Variants in EDIL3 observed in about 807,000 individuals in gnomAD.
EDIL3 encodes the protein EGF-like repeat and discoidin I-like domain-containing protein 3.
In EDIL3, 37 loss-of-function variants were observed where a neutral mutation model predicts 67.4. The ratio of observed to expected loss-of-function variants is 0.55; its 90% confidence interval spans 0.42 to 0.72. The LOEUF (loss-of-function observed/expected upper bound fraction) is 0.72, where lower values mean the gene tolerates loss of function less well. Among genes scored for constraint, EDIL3 ranks in the 30% least tolerant of loss-of-function variants. The pLI is 0.00. For synonymous variants in EDIL3, 195 were observed against 196.3 expected (o/e 0.99, Z 0.05); for missense variants, 527 against 586.3 (o/e 0.90, Z 1.04).
intron 9 of EDIL3, among the ~76,000 whole-genome samples, chr5:84,014,754 C>A (rs1745571289): frequency 6.6e-6 from 1 of 152,220 alleles, no homozygotes; most frequent in African/African-American, 2.4e-5. Flanking sequence ...ACCACTTTAA[C>A]AAATAACCCA....
At chr5:84,161,324 C>T (rs1748610390) in intron 4 of EDIL3, among the ~76,000 whole-genome samples, 1 of 151,868 alleles carries the variant, frequency 6.6e-6, no homozygotes, top group African/African-American at 2.4e-5. Flanking sequence ...AAGACGAATG[C>T]CTTTTTAAAA....
chr5:84,075,925 C>G (rs1051159275), intron 6 of EDIL3, among the ~76,000 whole-genome samples: 11 of 143,282 alleles, frequency 7.7e-5, no homozygotes, highest in African/African-American at 2.6e-4. Context: ...CACAGACACA[C>G]ACTCACGTGC....
chr5:84,310,808 C>A (rs1416479467), intron 1 of EDIL3, among the ~76,000 whole-genome samples: 1 of 152,086 alleles, frequency 6.6e-6, no homozygotes, highest in Non-Finnish European at 1.5e-5. Flanking sequence ...TATCTATGTA[C>A]CCCTAGAGCC....
intron 6 of EDIL3, among the ~76,000 whole-genome samples, chr5:84,092,178 G>A (rs1747179582): frequency 6.6e-6 from 1 of 151,994 alleles, no homozygotes; most frequent in Non-Finnish European, 1.5e-5. Context: ...TAAAACCAGA[G>A]GTTCTCAATT....
intron 6 of EDIL3, among the ~76,000 whole-genome samples, chr5:84,102,336 A>C (rs992806276): frequency 1.3e-5 from 2 of 151,928 alleles, no homozygotes; most frequent in Non-Finnish European, 2.9e-5. Context: ...GCAAGAGAAA[A>C]AAGTAAAAGC....
chr5:84,064,994 T>C, intron 7 of EDIL3, 150 bp from the exon 8 acceptor site: 4 of 1,014,462 alleles, frequency 3.9e-6, no homozygotes, highest in African/African-American at 1.6e-5. Context: ...TGCCTTGCCA[T>C]GAGCACTGAA....
intron 1 of EDIL3, among the ~76,000 whole-genome samples, chr5:84,281,475 T>C (rs538776334): frequency 6.6e-6 from 1 of 152,380 alleles, no homozygotes; most frequent in Non-Finnish European, 1.5e-5. Context: ...GTTTCCATCT[T>C]ATCCTAATGC....
At chr5:84,284,590 T>G (rs1205616450) in intron 1 of EDIL3, among the ~76,000 whole-genome samples, 1 of 152,180 alleles carries the variant, frequency 6.6e-6, no homozygotes, top group East Asian at 1.9e-4. Flanking sequence ...CCAAGGAAAC[T>G]AGTGGTAGGG....
intron 1 of EDIL3, among the ~76,000 whole-genome samples, chr5:84,307,291 C>A (rs73144515): frequency 2.9e-5 from 4 of 138,510 alleles, no homozygotes; most frequent in South Asian, 2.3e-4. Flanking sequence ...TAGGCAAAGA[C>A]AAATAAAAAA....
intron 7 of EDIL3, 95 bp from the exon 8 acceptor site, chr5:84,064,939 C>T (rs531649165): frequency 2.2e-5 from 31 of 1,396,336 alleles, no homozygotes; most frequent in African/African-American, 2.2e-4. Flanking sequence ...AATAATTGTT[C>T]GAAGAACAGA....
At chr5:84,176,197 TA>T (rs1362578254) in intron 4 of EDIL3, among the ~76,000 whole-genome samples, 2,562 of 106,592 alleles carry the variant, frequency 0.024, 112 homozygotes, top group African/African-American at 0.11. Context: ...TATATATATA[TA>T]ATATATATAT....
Position 84,046,475 on chromosome 5 carries a change from T to TCCCC in EDIL3, c.1137+13824_1137+13825insGGGG, listed in dbSNP as rs1746226893. 2.0e-5 allele frequency among the ~76,000 whole-genome samples: 3 copies of TCCCC among 152,310 alleles called. No individual in the cohort carries two copies. In the South Asian group the frequency reaches 6.2e-4, roughly 32 times the overall value. ...TTCCTGACAAGTGCTGAATCCCCTT[T>TCCCC]AGACCACTGACTGGCTCTGCAATCT... On this transcript the variant is annotated intron_variant, in intron 9 of 10. Transcript: ENST00000296591.
chr5:84,211,597 G>C (rs1245873986), intron 3 of EDIL3, among the ~76,000 whole-genome samples: 2 of 152,142 alleles, frequency 1.3e-5, no homozygotes, highest in African/African-American at 4.8e-5. Flanking sequence ...GACAAAAGCG[G>C]AGCAGGTGAT....
At chr5:84,234,698 T>C (rs1231389786) in intron 2 of EDIL3, among the ~76,000 whole-genome samples, 1 of 152,172 alleles carries the variant, frequency 6.6e-6, no homozygotes, top group Non-Finnish European at 1.5e-5. Flanking sequence ...CATTTCTTAG[T>C]ATATTATAAC....
intron 9 of EDIL3, among the ~76,000 whole-genome samples, chr5:84,031,467 C>T (rs914279686): frequency 1.3e-4 from 20 of 152,042 alleles, no homozygotes; most frequent in African/African-American, 4.3e-4. Flanking sequence ...GTAAATCTAC[C>T]CATGCAACAC....
chr5:84,241,858 G>A (rs1285755113), intron 2 of EDIL3, among the ~76,000 whole-genome samples: 1 of 151,880 alleles, frequency 6.6e-6, no homozygotes. Context: ...CACTTAATTA[G>A]TAACTCCTGG....
intron 9 of EDIL3, among the ~76,000 whole-genome samples, chr5:84,053,729 A>G (rs1391234030): frequency 1.3e-5 from 2 of 152,238 alleles, no homozygotes; most frequent in Non-Finnish European, 2.9e-5. Context: ...AAATTCCTCA[A>G]CACATACACT....
At chr5:84,276,086 G>C (rs1385788338) in intron 1 of EDIL3, among the ~76,000 whole-genome samples, 1 of 152,130 alleles carries the variant, frequency 6.6e-6, no homozygotes, top group East Asian at 1.9e-4. Context: ...CCACCCTGGA[G>C]TCATCCACTG....
chr5:84,356,636 C>T lies in EDIL3; in HGVS notation c.67+27672G>A, dbSNP rs192950130. Among the ~76,000 whole-genome samples the T allele has an allele frequency of 4.6e-5, 7 of 151,934 alleles. No individual in the cohort carries two copies. The East Asian group carries it at 7.8e-4, about 17-fold the overall frequency. ...AATCTCCCCATTTCAAGATTTGTAG[C>T]GTAATCATATCTACACAGTCCCTTT... On this transcript the variant is annotated intron_variant, in intron 1 of 10. Coordinates refer to ENST00000296591, the MANE Select transcript of EDIL3 (RefSeq NM_005711.5).
Sources: allele counts gnomAD v4.1 joint callset (sites outside exome capture counted in the v4.1 genomes callset), GRCh38; gene constraint gnomAD v4.1.1; transcripts MANE v1.5; gene names NCBI Gene and HGNC (gene_info 2026-07-23, HGNC 2026-07-21).